SPATA1: variants seen among roughly 807,000 people sequenced by gnomAD.
The protein encoded by SPATA1 is spermatogenesis-associated protein 1.
Under a neutral mutation model 59.6 loss-of-function variants are expected in SPATA1, and 57 were observed. The ratio of observed to expected loss-of-function variants is 0.96; its 90% confidence interval spans 0.77 to 1.19. SPATA1 has a LOEUF of 1.19. SPATA1 is among the 50% of genes most tolerant of loss of function. The pLI is 0.00. For missense variants in SPATA1, 448 were observed against 480.7 expected, an observed-to-expected ratio of 0.93 and a Z score of 0.64; for synonymous variants, 147 against 163.9, an observed-to-expected ratio of 0.90 and a Z score of 0.79.
chr1:84,520,734 A>AAACAGAT, intron 3 of SPATA1, 43 bp downstream of exon 3: 2 of 1,298,154 alleles, frequency 1.5e-6, no homozygotes, highest in Non-Finnish European at 2.1e-6. Flanking sequence ...TGAAAGAAGA[A>AAACAGAT]TCTGTTTTCT....
chr1:84,549,825 T>C (rs1274732375), intron 11 of SPATA1: 3 of 151,804 alleles, frequency 2.0e-5, no homozygotes, highest in Non-Finnish European at 4.4e-5. Flanking sequence ...AAATTTAATA[T>C]AAAGTCCAAA....
rs867745207 is a variant in SPATA1 at position 84,550,562 on chromosome 1, T to G, written c.1224+32T>G. 25 of 1,475,060 alleles carry G rather than the reference T, an allele frequency of 1.7e-5. 1 individual carries two copies. The highest frequency in any genetic ancestry group is 4.2e-5 in the South Asian group (3 of 71,022). The allele number at this position is 1,475,060 out of a possible 1,614,324, so 91.4% of individuals were successfully genotyped here. ...TACATTTTTCCTAATCAGATTATTA[T>G]AACATTTATCTTGAAATAAAATATT... On this transcript the variant is annotated intron_variant, in intron 12 of 12. Transcript: ENST00000490879.
chr1:84,544,193 T>A lies in SPATA1; in HGVS notation c.718-9T>A. ...AGCCGATCTTACTCATTTTCACGTT[T>A]GCTTACAGACAGCTGAAAAAGAGTA... On this transcript the variant is annotated splice_polypyrimidine_tract_variant and intron_variant, in intron 8 of 12. Coordinates refer to ENST00000490879, the Ensembl canonical transcript of SPATA1. 1 of 1,554,576 alleles carries A rather than the reference T, an allele frequency of 6.4e-7. No homozygotes were observed. Among genetic ancestry groups the A allele is most frequent in the Non-Finnish European group, 8.8e-7 (1 of 1,135,344 alleles).
intron 4 of SPATA1, among the ~76,000 whole-genome samples, chr1:84,562,583 T>A (rs1427180986): frequency 6.6e-6 from 1 of 152,178 alleles, no homozygotes; most frequent in Non-Finnish European, 1.5e-5. Context: ...GGATTTGTAC[T>A]TAGATTTTTG....
intron 11 of SPATA1, 33 bp downstream of exon 11, chr1:84,548,997 A>T: frequency 4.0e-6 from 6 of 1,509,796 alleles, no homozygotes; most frequent in Non-Finnish European, 5.3e-6. Flanking sequence ...TCCGTTAGAG[A>T]AGTTCTGTTC....
rs1279413145 is a variant in SPATA1, at chr1:84,561,569, G to T, written n.443-4292G>T. ...CAATTTTGAAAGAAGTTCTACTGTG[G>T]GTAAAATGCAATCAAATAGCATCAC... On this transcript the variant is annotated intron_variant and non_coding_transcript_variant, in intron 4 of 4. Coordinates refer to the SPATA1 transcript ENST00000460286. Among the ~76,000 whole-genome samples the T allele has an allele frequency of 3.9e-5, 6 of 152,116 alleles. No individual in the cohort carries two copies. The South Asian group carries it at 1.0e-3, about 26-fold the overall frequency.
intron 2 of SPATA1, 90 bp downstream of exon 2, chr1:84,516,485 T>C: frequency 1.3e-6 from 1 of 763,714 alleles, no homozygotes; most frequent in Non-Finnish European, 2.1e-6. Flanking sequence ...ATAGATTATA[T>C]AAAGTATTAG....
At chr1:84,521,217 C>A (rs1488117649) in intron 3 of SPATA1, among the ~76,000 whole-genome samples, 1 of 152,042 alleles carries the variant, frequency 6.6e-6, no homozygotes, top group Non-Finnish European at 1.5e-5. Flanking sequence ...GGGAAAACTG[C>A]TGATCTGAGA....
Position 84,516,251 on chromosome 1 carries a change from A to G in SPATA1, c.-109A>G. ...CCAGAAATGAGTGGAATGCTATCTTAAGCCAAAAAAAACTATTATAATTTT... is the reference window on the plus strand; with the variant it reads ...CCAGAAATGAGTGGAATGCTATCTTGAGCCAAAAAAAACTATTATAATTTT... On this transcript the variant is annotated 5_prime_UTR_variant, in exon 2 of 13. It removes the in-frame stop codon of an upstream open reading frame in the 5' UTR. Coordinates refer to ENST00000490879, the Ensembl canonical transcript of SPATA1. The G allele has an allele frequency of 2.0e-6, 2 of 992,778 alleles. No individual in the cohort carries two copies. Among genetic ancestry groups the G allele is most frequent in the Non-Finnish European group, 2.8e-6 (2 of 702,850 alleles). The allele number at this position is 992,778 out of a possible 1,614,324, so 61.5% of individuals were successfully genotyped here.
At chr1:84,528,020 C>T (rs939316631) in intron 6 of SPATA1, among the ~76,000 whole-genome samples, 3 of 152,312 alleles carry the variant, frequency 2.0e-5, no homozygotes, top group Middle Eastern at 3.4e-3. Flanking sequence ...CGTGAGCCAC[C>T]GCTCCAGGCC....
chr1:84,566,807 G>C (rs1036507862), downstream of SPATA1, among the ~76,000 whole-genome samples: 14 of 151,908 alleles, frequency 9.2e-5, no homozygotes, highest in African/African-American at 3.4e-4. Context: ...TAATTTTTTT[G>C]TATTTTTAGT....
At chr1:84,563,734 C>T (rs776181904) in intron 4 of SPATA1, 4 of 1,570,726 alleles carry the variant, frequency 2.5e-6, no homozygotes, top group East Asian at 2.3e-5. Flanking sequence ...ACTGTTCCTA[C>T]CTCAGACAGA....
rs140801221 is a variant in SPATA1 at position 84,561,015 on chromosome 1, A to T, written n.443-4846A>T. Among the ~76,000 whole-genome samples the T allele has an allele frequency of 1.6e-3, 248 of 152,356 alleles. 1 individual carries two copies. Among genetic ancestry groups the T allele is most frequent in the African/African-American group, 5.8e-3 (240 of 41,592 alleles). ...ACATCCATTCTGCAGCCCATGGAAC[A>T]AGGAGTAATTTCAACTTTTAACTCT... On this transcript the variant is annotated intron_variant and non_coding_transcript_variant, in intron 4 of 4. Coordinates refer to the SPATA1 transcript ENST00000460286.
At chr1:84,517,297 C>T (rs1427543196) in intron 2 of SPATA1, among the ~76,000 whole-genome samples, 1 of 152,110 alleles carries the variant, frequency 6.6e-6, no homozygotes, top group African/African-American at 2.4e-5. Flanking sequence ...TTTTGGCATA[C>T]ATCAGGGTTC....
At chr1:84,522,968 T>C (rs1683087728) in intron 4 of SPATA1, among the ~76,000 whole-genome samples, 2 of 151,728 alleles carry the variant, frequency 1.3e-5, no homozygotes, top group Non-Finnish European at 2.9e-5. Flanking sequence ...TAGAGTGCTG[T>C]AGTGTGATCT....
At chr1:84,527,026 T>TAA (rs1460190514) in intron 6 of SPATA1, among the ~76,000 whole-genome samples, 1 of 152,102 alleles carries the variant, frequency 6.6e-6, no homozygotes, top group Non-Finnish European at 1.5e-5. Context: ...ACTGAGCATC[T>TAA]AACGGGTGTC....
chr1:84,515,380 A>C (rs1682752019), intron 1 of SPATA1, among the ~76,000 whole-genome samples: 1 of 152,172 alleles, frequency 6.6e-6, no homozygotes. Context: ...TTTTGATACT[A>C]TTAAAACAAT....
chr1:84,557,857 CAA>C (rs375521066), downstream of SPATA1, among the ~76,000 whole-genome samples: 14 of 117,786 alleles, frequency 1.2e-4, no homozygotes, highest in Non-Finnish European at 1.2e-4. Flanking sequence ...GACTCCATCT[CAA>C]AAAAAAAAAA....
At chr1:84,530,450 G>A (rs1220175157) in intron 6 of SPATA1, among the ~76,000 whole-genome samples, 2 of 152,136 alleles carry the variant, frequency 1.3e-5, no homozygotes, top group African/African-American at 4.8e-5. Context: ...GGTAGGTAGC[G>A]ACTTGAACTA....
Sources: gnomAD v4.1 joint callset for allele counts (sites outside exome capture counted in the v4.1 genomes callset) on GRCh38, gnomAD v4.1.1 for gene constraint, MANE v1.5 for transcripts, NCBI Gene and HGNC (gene_info 2026-07-23, HGNC 2026-07-21) for gene names.